The following PLEKHA5 variants were observed in gnomAD, a reference collection of about 807,000 sequenced individuals.
PLEKHA5 encodes the protein pleckstrin homology domain containing A5.
In PLEKHA5, 55 loss-of-function variants were observed where a neutral mutation model predicts 181.9. The ratio of observed to expected loss-of-function variants is 0.30; its 90% CI spans 0.24 to 0.38. The LOEUF (loss-of-function observed/expected upper bound fraction) is 0.38. Among genes scored for constraint, PLEKHA5 ranks in the 10% least tolerant of loss-of-function variants. The pLI is 1.00. For synonymous variants in PLEKHA5, 535 were observed against 529.4 expected (o/e 1.01, Z -0.15); for missense variants, 1,432 against 1,549.5 (o/e 0.92, Z 1.27).
intron 3 of PLEKHA5, among the ~76,000 whole-genome samples, chr12:19,144,141 G>T (rs1287855823): frequency 6.6e-6 from 1 of 152,118 alleles, no homozygotes; most frequent in Non-Finnish European, 1.5e-5. Context: ...AATTTGAAAG[G>T]TAACTGATAG....
rs563594860 is a variant in PLEKHA5, at chr12:19,281,985, T to C, written c.1314-1295T>C. On this transcript the variant is annotated intron_variant, in intron 11 of 31. Transcript: ENST00000429027. Reference sequence around the variant, plus strand: ...TTTTCGAAGAGACGGGGTTTCACTGTGTTAGCCAGGATGGTCTCGATCTCC... The same window carrying C: ...TTTTCGAAGAGACGGGGTTTCACTGCGTTAGCCAGGATGGTCTCGATCTCC... 4.6e-5 allele frequency among the ~76,000 whole-genome samples: 7 copies of C among 152,248 alleles called. No homozygotes were observed. The East Asian group carries it at 1.4e-3, about 29-fold the overall frequency.
At chr12:19,206,885 T>A (rs2055673640) in intron 3 of PLEKHA5, among the ~76,000 whole-genome samples, 1 of 152,176 alleles carries the variant, frequency 6.6e-6, no homozygotes, top group African/African-American at 2.4e-5. Context: ...TTACTTTTAG[T>A]GTAATACTTT....
intron 3 of PLEKHA5, among the ~76,000 whole-genome samples, chr12:19,239,954 G>A (rs1323549080): frequency 6.6e-6 from 1 of 152,178 alleles, no homozygotes; most frequent in Non-Finnish European, 1.5e-5. Flanking sequence ...CCAGTGCCTA[G>A]CACATATAGA....
intron 3 of PLEKHA5, among the ~76,000 whole-genome samples, chr12:19,210,996 A>G (rs1021907256): frequency 2.0e-5 from 3 of 152,178 alleles, no homozygotes; most frequent in Admixed American, 6.6e-5. Context: ...AAATCTAGAC[A>G]TTAACATGAA....
intron 3 of PLEKHA5, among the ~76,000 whole-genome samples, chr12:19,227,656 C>T (rs915381493): frequency 3.3e-5 from 5 of 152,108 alleles, no homozygotes; most frequent in East Asian, 1.9e-4. Context: ...TTGGCTGTGC[C>T]TAATTAACAT....
chr12:19,233,826 C>T (rs1371973505), intron 3 of PLEKHA5, among the ~76,000 whole-genome samples: 1 of 152,086 alleles, frequency 6.6e-6, no homozygotes, highest in Non-Finnish European at 1.5e-5. Flanking sequence ...TGTTCTTCAC[C>T]TATAGTATAG....
intron 3 of PLEKHA5, among the ~76,000 whole-genome samples, chr12:19,211,031 AAGG>A (rs1408159619): frequency 6.6e-6 from 1 of 152,170 alleles, no homozygotes; most frequent in Non-Finnish European, 1.5e-5. Flanking sequence ...TTTAAGGCTT[AAGG>A]AGGTATTGTC....
intron 11 of PLEKHA5, among the ~76,000 whole-genome samples, chr12:19,280,948 C>T (rs1277508168): frequency 2.0e-5 from 3 of 151,774 alleles, no homozygotes; most frequent in African/African-American, 2.4e-5. Context: ...TGGCCTCAAG[C>T]GATCTGCCTG....
chr12:19,274,368 T>C, intron 10 of PLEKHA5, 148 bp from the exon 11 acceptor site: 1 of 607,906 alleles, frequency 1.6e-6, no homozygotes, highest in Non-Finnish European at 2.9e-6. Flanking sequence ...ATCACAGCAT[T>C]GGGTATTTGT....
intron 15 of PLEKHA5, chr12:19,306,337 G>A (rs1268519960): frequency 4.7e-6 from 2 of 423,766 alleles, no homozygotes; most frequent in Admixed American, 5.9e-5. Flanking sequence ...GGTGGGGGTG[G>A]CCGTTTGTTT....
At chr12:19,293,713 A>T (rs1183357265) in intron 15 of PLEKHA5, among the ~76,000 whole-genome samples, 1 of 152,236 alleles carries the variant, frequency 6.6e-6, no homozygotes, top group Non-Finnish European at 1.5e-5. Context: ...TTGCAGAGAC[A>T]TAGAACTTCA....
chr12:19,251,176 T>G (rs2065164674), intron 3 of PLEKHA5, among the ~76,000 whole-genome samples: 1 of 152,022 alleles, frequency 6.6e-6, no homozygotes. Flanking sequence ...AAGCCAAGGC[T>G]GATGGATCAC....
intron 3 of PLEKHA5, among the ~76,000 whole-genome samples, chr12:19,172,458 CGGG>C (rs201110758): frequency 6.6e-6 from 1 of 151,814 alleles, no homozygotes; most frequent in African/African-American, 2.4e-5. Flanking sequence ...ACAAACGACC[CGGG>C]GGGGCAAAAG....
chr12:19,315,184 A>G (rs929074116), intron 16 of PLEKHA5, among the ~76,000 whole-genome samples: 1 of 152,092 alleles, frequency 6.6e-6, no homozygotes, highest in Admixed American at 6.6e-5. Context: ...TACATTTGCA[A>G]AATTACTAGA....
At chr12:19,204,252 C>T (rs2054864589) in intron 3 of PLEKHA5, among the ~76,000 whole-genome samples, 1 of 152,060 alleles carries the variant, frequency 6.6e-6, no homozygotes, top group Non-Finnish European at 1.5e-5. Context: ...CACTAATTAG[C>T]ATATGGGTAC....
intron 3 of PLEKHA5, among the ~76,000 whole-genome samples, chr12:19,231,608 A>ATG (rs2060614198): frequency 5.0e-5 from 1 of 20,084 alleles, no homozygotes; most frequent in South Asian, 1.5e-3. Context: ...ACATATATAT[A>ATG]TATAAATACT....
intron 11 of PLEKHA5, among the ~76,000 whole-genome samples, chr12:19,277,671 T>C (rs895195964): frequency 2.0e-5 from 3 of 152,228 alleles, no homozygotes; most frequent in Non-Finnish European, 2.9e-5. Context: ...TTGTAGTGTT[T>C]TATAATGAAA....
At chr12:19,143,454 A>G (rs2038009798) in intron 3 of PLEKHA5, among the ~76,000 whole-genome samples, 1 of 152,206 alleles carries the variant, frequency 6.6e-6, no homozygotes, top group Non-Finnish European at 1.5e-5. Context: ...ACATTTGGAA[A>G]ATACTAAGGA....
intron 3 of PLEKHA5, among the ~76,000 whole-genome samples, chr12:19,212,145 T>C (rs935074408): frequency 2.0e-5 from 3 of 152,200 alleles, no homozygotes; most frequent in Non-Finnish European, 4.4e-5. Context: ...TTGGTGACTT[T>C]GGTAATTCAG....
Sources: gnomAD v4.1 joint callset for allele counts (sites outside exome capture counted in the v4.1 genomes callset) on GRCh38, gnomAD v4.1.1 for gene constraint, MANE v1.5 for transcripts, NCBI Gene and HGNC (gene_info 2026-07-23, HGNC 2026-07-21) for gene names.